Variants in ATN1 observed in about 807,000 individuals in gnomAD.
The protein encoded by ATN1 is atrophin-1.
A neutral mutation model predicts 85.8 loss-of-function variants in ATN1; 19 were observed. The ratio of observed to expected loss-of-function variants is 0.22; its 90% CI spans 0.15 to 0.32. The LOEUF is 0.32. ATN1 is among the 10% of genes least tolerant of loss of function. ATN1 has a pLI of 1.00. For synonymous variants in ATN1, 674 were observed against 657.0 expected (o/e 1.03, Z -0.39); for missense variants, 1,453 against 1,564.5 (o/e 0.93, Z 1.20).
upstream of ATN1, among the ~76,000 whole-genome samples, chr12:6,926,381 G>A (rs1945398915): frequency 6.6e-6 from 1 of 151,902 alleles, no homozygotes; most frequent in Non-Finnish European, 1.5e-5. Context: ...CCTCCAAGCT[G>A]TATCCCTTAC....
intron 1 of ATN1, among the ~76,000 whole-genome samples, chr12:6,931,124 C>T (rs1009687153): frequency 5.9e-5 from 9 of 152,084 alleles, no homozygotes; most frequent in Non-Finnish European, 7.4e-5. Flanking sequence ...TTGCTGTGTT[C>T]CTCAGGTACA....
Position 6,935,460 on chromosome 12 carries a change from A to G in ATN1, c.280-87A>G. 7.1e-7 allele frequency: 1 copy of G among 1,411,902 alleles called. No homozygotes were observed. The highest frequency in any genetic ancestry group is 1.3e-5 in the South Asian group (1 of 74,524). 87.5% of individuals were successfully genotyped at this position (1,411,902 alleles called of 1,614,324 possible). A position where few individuals can be genotyped will look rare whatever the true frequency, so the allele number is the denominator to read the frequency against. ...CATCACAGTACAACAGTGTGCTGTG[A>G]GGGGAAATGATTTTATGCAAGAGAG... On this transcript the variant is annotated intron_variant, in intron 4 of 9. Coordinates refer to ENST00000396684, the MANE Select transcript of ATN1 (RefSeq NM_001940.4). This position sits in a 1 kb window ranked among gnomAD's most constrained non-coding sequence, Gnocchi z 5.3.
chr12:6,927,667 C>T (rs961634482), upstream of ATN1, among the ~76,000 whole-genome samples: 14 of 151,746 alleles, frequency 9.2e-5, no homozygotes, highest in Admixed American at 9.2e-4. Flanking sequence ...TCTCCCCCCT[C>T]GCGGCTTGCC....
chr12:6,926,481 C>T (rs1380945033), upstream of ATN1, among the ~76,000 whole-genome samples: 1 of 146,550 alleles, frequency 6.8e-6, no homozygotes, highest in African/African-American at 2.5e-5. Context: ...TCCATTTTTT[C>T]TTTTTTTTTT....
Position 6,936,563 on chromosome 12 carries a change from C to G in ATN1, c.1296C>G (p.Leu432=). 1 of 1,611,546 alleles carries G rather than the reference C, an allele frequency of 6.2e-7. No individual in the cohort carries two copies. Residue 432 remains leucine, a synonymous_variant, in exon 5 of 10, where the codon CTC becomes CTG. Transcript: ENST00000396684. ...CCCCCAAGTATACTCAGCCTTCTCTCCCATCCCAGGCTGTGTGGAGCCAGG... is the reference window on the plus strand; with the variant it reads ...CCCCCAAGTATACTCAGCCTTCTCTGCCATCCCAGGCTGTGTGGAGCCAGG... ...NQPPKYTQPS[L]PSQAVWSQGP...
chr12:6,927,821 G>T (rs1382914393), upstream of ATN1, among the ~76,000 whole-genome samples: 2 of 150,222 alleles, frequency 1.3e-5, no homozygotes, highest in African/African-American at 4.9e-5. Context: ...GCGAGTCGCC[G>T]GACGCACCGC....
In ATN1 at chr12:6,935,911, C is replaced by T. The variant is rs139874082; in HGVS notation, c.644C>T (p.Pro215Leu). ...MFQAPPGAPP[P>L]HPQLYPGGTG... The stretch of plus-strand genomic sequence containing the variant: ...CAGGCTCCTCCTGGGGCCCCTCCCC[C>T]TCACCCACAGCTCTATCCTGGGGGC... Residue 215 changes from proline to leucine, a missense_variant, in exon 5 of 10, where the codon CCT (proline) becomes CTT (leucine). Physicochemically the swap from Pro to Leu is moderately conservative, Grantham distance 98 (BLOSUM62 -3). Transcript: ENST00000396684. This position sits in a 1 kb window ranked among gnomAD's most constrained non-coding sequence, Gnocchi z 5.3. 1.4e-4 allele frequency: 228 copies of T among 1,609,874 alleles called. 1 individual carries two copies. In the African/African-American group the frequency reaches 2.7e-3, roughly 19 times the overall value.
At chr12:6,940,835 C>G (rs1945623802) in intron 7 of ATN1, 45 bp from the exon 8 acceptor site, 3 of 1,613,550 alleles carry the variant, frequency 1.9e-6, no homozygotes, top group East Asian at 4.5e-5. Context: ...ATGGTTTGCC[C>G]CAAACCTGCC....
chr12:6,937,706 C>A lies in ATN1; in HGVS notation c.2295-139C>A. The A allele has an allele frequency of 6.9e-7, 1 of 1,440,132 alleles. No homozygotes were observed. Among genetic ancestry groups the A allele is most frequent in the Middle Eastern group, 2.1e-4 (1 of 4,716 alleles). 89.2% of individuals were successfully genotyped at this position (1,440,132 alleles called of 1,614,324 possible). A position where few individuals can be genotyped will look rare whatever the true frequency, so the allele number is the denominator to read the frequency against. Reference sequence around the variant, plus strand: ...CTCTCCTCCGTCCAGGCCTAGTGGCCAGTGAGGCCCGCAGCAGCTCACAGC... The same window carrying A: ...CTCTCCTCCGTCCAGGCCTAGTGGCAAGTGAGGCCCGCAGCAGCTCACAGC... On this transcript the variant is annotated intron_variant, in intron 5 of 9. Coordinates refer to ENST00000396684, the MANE Select transcript of ATN1 (RefSeq NM_001940.4). The surrounding 1 kb of genome is among the most constrained non-coding windows in gnomAD (Gnocchi z 6.0).
chr12:6,934,017 A>C lies in ATN1; in HGVS notation c.16A>C (p.Asn6His). Residue 6 changes from asparagine to histidine, a missense_variant, in exon 2 of 10, where the codon AAT (asparagine) becomes CAT (histidine). This residue lies in a region of ATN1 where 130 missense variants were observed against 158.2 expected (regional missense o/e 0.82). Coordinates refer to ENST00000396684, the MANE Select transcript of ATN1 (RefSeq NM_001940.4). This position sits in a 1 kb window ranked among gnomAD's most constrained non-coding sequence, Gnocchi z 4.5. MKTRQ[N>H]KDSMSMRSGR... ...AGCCTGAAGAATGAAGACACGACAGAATAAAGACTCGGTGAGTTAAAATGA... is the reference window on the plus strand; with the variant it reads ...AGCCTGAAGAATGAAGACACGACAGCATAAAGACTCGGTGAGTTAAAATGA... The C allele has an allele frequency of 1.2e-6, 2 of 1,608,614 alleles. No individual in the cohort carries two copies. The highest frequency in any genetic ancestry group is 1.7e-6 in the Non-Finnish European group (2 of 1,177,492).
chr12:6,939,595 G>A (rs757683375), intron 7 of ATN1, among the ~76,000 whole-genome samples: 12 of 152,102 alleles, frequency 7.9e-5, no homozygotes, highest in Admixed American at 4.6e-4. Flanking sequence ...TCGACTTCCC[G>A]GTCTCAAGTG....
intron 1 of ATN1, among the ~76,000 whole-genome samples, chr12:6,928,816 A>G (rs1591658207): frequency 1.3e-5 from 2 of 152,308 alleles, no homozygotes; most frequent in East Asian, 3.9e-4. Context: ...GCCTCCAGGA[A>G]AAAGCTCCAA....
At chr12:6,926,764 C>G (rs1555142607), upstream of ATN1, among the ~76,000 whole-genome samples, 1 of 152,120 alleles carries the variant, frequency 6.6e-6, no homozygotes, top group African/African-American at 2.4e-5. Context: ...GCCCCCGCAC[C>G]GGCCCCATCT....
Position 6,934,227 on chromosome 12 carries a change from C to G in ATN1, c.79C>G (p.Leu27Val), listed in dbSNP as rs782255871. 1.3e-6 allele frequency: 2 copies of G among 1,591,226 alleles called. No homozygotes were observed. The highest frequency in any genetic ancestry group is 1.7e-6 in the Non-Finnish European group (2 of 1,174,498). ...KKEAPGPREE[L>V]RSRGRASPGG... ...AGAGGCCCCTGGGCCCCGGGAAGAA[C>G]TGAGATCGAGGGGCCGGGCCTCCCC... Residue 27 changes from leucine (L) to valine (V), a missense_variant, in exon 3 of 10, where the codon CTG becomes GTG. Physicochemically the swap from Leu to Val is conservative, Grantham distance 32. Around this residue, in one of 6 missense-constraint regions of ATN1, gnomAD observed 130 missense variants for 158.2 expected, o/e 0.82. Transcript: ENST00000396684. This position sits in a 1 kb window ranked among gnomAD's most constrained non-coding sequence, Gnocchi z 4.5.
chr12:6,934,053 A>T lies in ATN1; in HGVS notation c.27+25A>T. 1 of 1,610,964 alleles carries T rather than the reference A, an allele frequency of 6.2e-7. No individual in the cohort carries two copies. Among genetic ancestry groups the T allele is most frequent in the Non-Finnish European group, 8.5e-7 (1 of 1,178,388 alleles). On this transcript the variant is annotated intron_variant, in intron 2 of 9. Coordinates refer to ENST00000396684, the MANE Select transcript of ATN1 (RefSeq NM_001940.4). This position sits in a 1 kb window ranked among gnomAD's most constrained non-coding sequence, Gnocchi z 4.5. ...GGTGAGTTAAAATGAGAGACATGAA[A>T]GATGAGGGGCGGGGCAGGCAAGCTA...
Position 6,936,972 on chromosome 12 carries a change from T to G in ATN1, c.1705T>G (p.Ser569Ala). 1 of 1,613,226 alleles carries G rather than the reference T, an allele frequency of 6.2e-7. No homozygotes were observed. The highest frequency in any genetic ancestry group is 8.5e-7 in the Non-Finnish European group (1 of 1,179,626). Residue 569 changes from serine (S) to alanine (A), a missense_variant, in exon 5 of 10, where the codon TCT becomes GCT. Ser to Ala is a moderately conservative substitution (Grantham distance 99, BLOSUM62 1). Transcript: ENST00000396684. The part of the protein sequence containing the change: ...SQAGPNGPPV[S>A]SSSNSSSSTS... ...AGCAGGCCCCAATGGCCCTCCAGTC[T>G]CTTCCTCTTCCAACTCTTCCTCTTC...
At chr12:6,925,034 G>T (rs1945383412), upstream of ATN1, among the ~76,000 whole-genome samples, 1 of 152,070 alleles carries the variant, frequency 6.6e-6, no homozygotes, top group South Asian at 2.1e-4. Context: ...TTGTGCCGTT[G>T]CCTGGAGACC....
Position 6,937,295 on chromosome 12 carries a change from C to T in ATN1, c.2028C>T (p.Thr676=), listed in dbSNP as rs1555143942. 3.1e-6 allele frequency: 5 copies of T among 1,597,416 alleles called. No homozygotes were observed. Among genetic ancestry groups the T allele is most frequent in the African/African-American group, 1.3e-5 (1 of 74,464 alleles). Residue 676 remains threonine (T), a synonymous_variant, in exon 5 of 10, where the codon ACC becomes ACT. Transcript: ENST00000396684. This position sits in a 1 kb window ranked among gnomAD's most constrained non-coding sequence, Gnocchi z 6.0. ...GGACCCCACCGGGCTATCGAGGAAC[C>T]TCGCCACCTGCAGGCCCAGGGACCT... ...RTGTPPGYRG[T]SPPAGPGTFK... is the part of the protein sequence containing the mutation.
chr12:6,930,609 CACGGTGAA>C (rs1945448707), intron 1 of ATN1, among the ~76,000 whole-genome samples: 1 of 152,096 alleles, frequency 6.6e-6, no homozygotes, highest in African/African-American at 2.4e-5. Flanking sequence ...TCCTGGCTAA[CACGGTGAA>C]ACCCCGTCTC....
Sources: allele counts gnomAD v4.1 joint callset (sites outside exome capture counted in the v4.1 genomes callset), GRCh38; gene constraint gnomAD v4.1.1; regional missense constraint gnomAD v4.1.1; non-coding constraint Gnocchi (gnomAD v3.1); transcripts MANE v1.5; gene names NCBI Gene and HGNC (gene_info 2026-07-23, HGNC 2026-07-21).